The following APPBP2 variants were observed in gnomAD, a reference collection of about 807,000 sequenced individuals.
APPBP2 encodes the protein amyloid beta precursor protein binding protein 2.
Under a neutral mutation model 76.0 loss-of-function variants are expected in APPBP2, and 15 were observed. The ratio of observed to expected loss-of-function variants is 0.20; its 90% confidence interval spans 0.13 to 0.30. The LOEUF is 0.30. Ranked by LOEUF, APPBP2 falls within the 10% of genes least tolerant of loss-of-function variation. The pLI is 1.00. For synonymous variants in APPBP2, 222 were observed against 242.2 expected, an observed-to-expected ratio of 0.92 and a Z score of 0.77; for missense variants, 401 against 687.2, an observed-to-expected ratio of 0.58 and a Z score of 4.66.
chr17:60,448,841 G>A (rs1250519307), intron 12 of APPBP2, among the ~76,000 whole-genome samples: 1 of 152,132 alleles, frequency 6.6e-6, no homozygotes, highest in African/African-American at 2.4e-5. Flanking sequence ...TGAGTGGGTG[G>A]GAACTGGGTA....
At chr17:60,460,471 C>T in intron 9 of APPBP2, 192 bp downstream of exon 9, 1 of 450,302 alleles carries the variant, frequency 2.2e-6, no homozygotes, top group Non-Finnish European at 3.5e-6. Context: ...GCCTCTGCAC[C>T]TGAAAACTGG....
chr17:60,449,953 C>T (rs1475644236), intron 12 of APPBP2, among the ~76,000 whole-genome samples: 6 of 151,942 alleles, frequency 3.9e-5, no homozygotes, highest in African/African-American at 9.6e-5. Flanking sequence ...TACTGTACCA[C>T]GCCCGGCTAA....
At chr17:60,484,256 C>G (rs563991617) in intron 3 of APPBP2, among the ~76,000 whole-genome samples, 10 of 152,084 alleles carry the variant, frequency 6.6e-5, no homozygotes, top group Non-Finnish European at 1.3e-4. Context: ...TTTTTCCAAT[C>G]CTGTGAAGAA....
At chr17:60,515,274 C>T (rs1400600366) in intron 1 of APPBP2, among the ~76,000 whole-genome samples, 1 of 151,850 alleles carries the variant, frequency 6.6e-6, no homozygotes, top group African/African-American at 2.4e-5. Context: ...AGCCACCATG[C>T]CTGGCTAATT....
intron 2 of APPBP2, among the ~76,000 whole-genome samples, chr17:60,496,664 A>G (rs890943780): frequency 3.9e-5 from 6 of 152,140 alleles, no homozygotes; most frequent in African/African-American, 1.4e-4. Context: ...CTATAATCTT[A>G]GCACACAGGC....
chr17:60,476,948 A>G (rs2090595200), intron 4 of APPBP2, among the ~76,000 whole-genome samples: 1 of 152,208 alleles, frequency 6.6e-6, no homozygotes, highest in Admixed American at 6.5e-5. Flanking sequence ...ATGCACAATT[A>G]AAAATGTTTT....
intron 2 of APPBP2, among the ~76,000 whole-genome samples, chr17:60,498,182 T>G (rs2090792177): frequency 6.6e-6 from 1 of 151,716 alleles, no homozygotes; most frequent in Non-Finnish European, 1.5e-5. Flanking sequence ...TAGCTACTAC[T>G]ACTACATGAT....
intron 1 of APPBP2, among the ~76,000 whole-genome samples, chr17:60,504,553 C>T (rs1003452671): frequency 1.3e-5 from 2 of 152,144 alleles, no homozygotes; most frequent in Admixed American, 1.3e-4. Context: ...TATATCATAG[C>T]AGTATTAAAA....
At chr17:60,475,292 T>C (rs951716045) in intron 4 of APPBP2, among the ~76,000 whole-genome samples, 1 of 151,812 alleles carries the variant, frequency 6.6e-6, no homozygotes, top group Non-Finnish European at 1.5e-5. Context: ...TAACATAACA[T>C]GATAGTTTCA....
rs755411829 is a variant in APPBP2, at chr17:60,526,150, G to A, written c.-219C>T. ...AGTAAAAAGTGGGACAGAAAACAGCGGCCAGCCAGGCCAAAAGCGTCACAA... is the reference window on the plus strand; with the variant it reads ...AGTAAAAAGTGGGACAGAAAACAGCAGCCAGCCAGGCCAAAAGCGTCACAA... On this transcript the variant is annotated 5_prime_UTR_variant, in exon 1 of 13. Coordinates refer to ENST00000083182, the MANE Select transcript of APPBP2 (RefSeq NM_006380.5). 1 of 553,304 alleles carries A rather than the reference G, an allele frequency of 1.8e-6. No homozygotes were observed. Among genetic ancestry groups the A allele is most frequent in the Non-Finnish European group, 3.2e-6 (1 of 307,982 alleles). 34.3% of individuals were successfully genotyped at this position (553,304 alleles called of 1,614,324 possible).
chr17:60,503,038 GTC>G (rs1336193510), intron 1 of APPBP2, among the ~76,000 whole-genome samples: 1 of 136,106 alleles, frequency 7.3e-6, no homozygotes, highest in African/African-American at 3.3e-5. Flanking sequence ...TTGGGACAGA[GTC>G]TCTCACTCTG....
intron 5 of APPBP2, chr17:60,465,122 GA>G (rs2090501542): frequency 6.6e-6 from 1 of 152,144 alleles, no homozygotes; most frequent in African/African-American, 2.4e-5. Context: ...ACTTCTGGAA[GA>G]AAAGTCCAAG....
intron 3 of APPBP2, among the ~76,000 whole-genome samples, chr17:60,488,856 A>C (rs745981861): frequency 6.6e-6 from 1 of 152,222 alleles, no homozygotes; most frequent in Non-Finnish European, 1.5e-5. Context: ...AACATTAGTC[A>C]AGATCACAAG....
rs1263489017 is a variant in APPBP2 at position 60,461,557 on chromosome 17, T to C, written c.936+253A>G. ...AAAGACAAGCCATTACATGGGTAAA[T>C]AAAAAATGGAAAACTACTCCCACAT... On this transcript the variant is annotated intron_variant, in intron 8 of 12. Transcript: ENST00000083182. The C allele has an allele frequency of 1.4e-5, 5 of 352,222 alleles. No individual in the cohort carries two copies. In the East Asian group the frequency reaches 2.3e-4, roughly 16 times the overall value. 21.8% of individuals were successfully genotyped at this position (352,222 alleles called of 1,614,324 possible).
intron 3 of APPBP2, among the ~76,000 whole-genome samples, chr17:60,489,610 CAAAA>C (rs746715643): frequency 1.9e-5 from 1 of 53,586 alleles, no homozygotes; most frequent in Non-Finnish European, 4.4e-5. Context: ...GACCATGTCT[CAAAA>C]AAAAAAAAAA....
chr17:60,496,180 A>T (rs2090774099), intron 2 of APPBP2, among the ~76,000 whole-genome samples: 1 of 152,202 alleles, frequency 6.6e-6, no homozygotes, highest in Non-Finnish European at 1.5e-5. Context: ...GTTGACTGTT[A>T]ATGATTTCTT....
intron 3 of APPBP2, among the ~76,000 whole-genome samples, chr17:60,493,689 G>C (rs917958010): frequency 2.7e-5 from 4 of 149,054 alleles, no homozygotes; most frequent in African/African-American, 1.0e-4. Flanking sequence ...ACCCAGGCTG[G>C]AGTGCAGTGG....
At chr17:60,483,245 C>T (rs1325275266) in intron 3 of APPBP2, among the ~76,000 whole-genome samples, 1 of 152,158 alleles carries the variant, frequency 6.6e-6, no homozygotes, top group Non-Finnish European at 1.5e-5. Context: ...AGTGTCTGCT[C>T]ATGTCCTTTG....
chr17:60,525,497 G>C (rs2091045765), intron 1 of APPBP2, among the ~76,000 whole-genome samples: 1 of 152,194 alleles, frequency 6.6e-6, no homozygotes, highest in Non-Finnish European at 1.5e-5. Flanking sequence ...AGGTGGGACA[G>C]GGGCGCGATA....
Sources: gnomAD v4.1 joint callset for allele counts (sites outside exome capture counted in the v4.1 genomes callset) on GRCh38, gnomAD v4.1.1 for gene constraint, MANE v1.5 for transcripts, NCBI Gene and HGNC (gene_info 2026-07-23, HGNC 2026-07-21) for gene names.